Variants in C9orf153 observed in about 807,000 individuals in gnomAD.
C9orf153 encodes the protein uncharacterized protein C9orf153.
Under a neutral mutation model 9.0 loss-of-function variants are expected in C9orf153, and 10 were observed. That is an observed-to-expected ratio of 1.11 (90% CI 0.69 to 1.89). C9orf153 has a LOEUF of 1.89. Ranked by LOEUF, C9orf153 falls within the 40% of genes most tolerant of loss-of-function variation. The pLI is 0.00. For synonymous variants in C9orf153, 35 were observed against 37.3 expected (o/e 0.94, Z 0.23); for missense variants, 108 against 111.0 (o/e 0.97, Z 0.12).
chr9:86,222,618 G>A (rs761683752), intron 3 of C9orf153, among the ~76,000 whole-genome samples: 4 of 152,004 alleles, frequency 2.6e-5, no homozygotes, highest in Non-Finnish European at 4.4e-5. Flanking sequence ...ATCAAGCAAA[G>A]ACACAGCACA....
At chr9:86,251,942 C>CACACACACACACACGA (rs367793280) in intron 1 of C9orf153, among the ~76,000 whole-genome samples, 98 of 149,712 alleles carry the variant, frequency 6.5e-4, no homozygotes, top group African/African-American at 1.7e-3. Flanking sequence ...CACACACACA[C>CACACACACACACACGA]GAGAGAGAGA....
At chr9:86,250,303 G>A (rs951469344) in intron 1 of C9orf153, among the ~76,000 whole-genome samples, 1 of 152,044 alleles carries the variant, frequency 6.6e-6, no homozygotes, top group Non-Finnish European at 1.5e-5. Flanking sequence ...GTTTTCTTTG[G>A]CAAATCTGGA....
chr9:86,225,649 C>T (rs1011219230), intron 3 of C9orf153, among the ~76,000 whole-genome samples: 6 of 151,964 alleles, frequency 3.9e-5, no homozygotes, highest in South Asian at 4.2e-4. Flanking sequence ...TTAGTAGAGA[C>T]GGGGTTTCAC....
intron 1 of C9orf153, among the ~76,000 whole-genome samples, chr9:86,257,882 T>G (rs976007268): frequency 2.0e-5 from 3 of 152,106 alleles, no homozygotes; most frequent in Non-Finnish European, 4.4e-5. Context: ...TCACGATGGC[T>G]TCAGGGAATG....
At chr9:86,234,098 A>G (rs533226579) in intron 1 of C9orf153, among the ~76,000 whole-genome samples, 2 of 152,302 alleles carry the variant, frequency 1.3e-5, no homozygotes, top group African/African-American at 4.8e-5. Context: ...AAATGATAAT[A>G]ATAATGACCA....
chr9:86,241,628 G>A (rs1000943700), intron 1 of C9orf153, among the ~76,000 whole-genome samples: 5 of 150,832 alleles, frequency 3.3e-5, no homozygotes, highest in Admixed American at 1.3e-4. Context: ...CGTACATTTC[G>A]TTGTTTTTTT....
intron 1 of C9orf153, among the ~76,000 whole-genome samples, chr9:86,242,980 C>T (rs551427330): frequency 4.6e-5 from 7 of 152,280 alleles, no homozygotes; most frequent in East Asian, 1.9e-4. Context: ...CGCCCAGCCC[C>T]GCAGGCCACT....
At chr9:86,249,884 C>G (rs1490939150) in intron 1 of C9orf153, among the ~76,000 whole-genome samples, 1 of 152,174 alleles carries the variant, frequency 6.6e-6, no homozygotes, top group Admixed American at 6.5e-5. Flanking sequence ...GCTGAAAAAT[C>G]AACTGACAAA....
intron 1 of C9orf153, among the ~76,000 whole-genome samples, chr9:86,250,158 T>G (rs927705687): frequency 6.6e-6 from 1 of 152,238 alleles, no homozygotes; most frequent in African/African-American, 2.4e-5. Context: ...GACAAAAGTC[T>G]GTCCAAGTGT....
chr9:86,255,966 A>T (rs1208582797), intron 1 of C9orf153, among the ~76,000 whole-genome samples: 3 of 152,200 alleles, frequency 2.0e-5, no homozygotes, highest in African/African-American at 7.2e-5. Flanking sequence ...TCAGATGTTC[A>T]TTGTGGCACT....
Position 86,220,632 on chromosome 9 carries a change from T to C in C9orf153, c.*1056A>G, listed in dbSNP as rs1293980157. The C allele has an allele frequency of 6.6e-6, 1 of 152,208 alleles. No homozygotes were observed. The highest frequency in any genetic ancestry group is 6.5e-5 in the Admixed American group (1 of 15,274). 9.4% of individuals were successfully genotyped at this position (152,208 alleles called of 1,614,324 possible). On this transcript the variant is annotated 3_prime_UTR_variant, in exon 4 of 4. Coordinates refer to ENST00000339137, the MANE Select transcript of C9orf153 (RefSeq NM_001276366.4). ...TCTCTTTCGTAGATTATATTTTCCT[T>C]TACTGCTTAGTGGTCCATAGTTTTG... is the stretch of plus-strand genomic sequence containing the variant.
At chr9:86,225,050 C>G (rs1824292300) in intron 3 of C9orf153, among the ~76,000 whole-genome samples, 1 of 151,740 alleles carries the variant, frequency 6.6e-6, no homozygotes, top group South Asian at 2.1e-4. Flanking sequence ...TTTTTGATTC[C>G]TAAGCTATAT....
intron 3 of C9orf153, among the ~76,000 whole-genome samples, chr9:86,225,310 ACTTT>A (rs1031427454): frequency 5.9e-5 from 9 of 152,038 alleles, no homozygotes; most frequent in Admixed American, 5.2e-4. Context: ...GACTCCATGC[ACTTT>A]CTTTTTCTTT....
intron 1 of C9orf153, among the ~76,000 whole-genome samples, chr9:86,259,069 A>G (rs1825189718): frequency 6.7e-6 from 1 of 149,460 alleles, no homozygotes; most frequent in African/African-American, 2.5e-5. Flanking sequence ...TCATTCTGTC[A>G]CCCCAGCTGG....
rs113841809 is a variant in C9orf153 at position 86,229,182 on chromosome 9, T to C, written c.66+356A>G. On this transcript the variant is annotated intron_variant, in intron 2 of 3. Coordinates refer to ENST00000339137, the MANE Select transcript of C9orf153 (RefSeq NM_001276366.4). ...TTTTTTGGGGAGTTAAATAGTGTGA[T>C]GTTTGGACCGATATCATGAAATCTT... 4.0e-5 allele frequency among the ~76,000 whole-genome samples: 6 copies of C among 151,892 alleles called. 1 individual carries two copies. The highest frequency in any genetic ancestry group is 1.2e-4 in the African/African-American group (5 of 41,422).
rs1436197826 is a variant in C9orf153, at chr9:86,220,542, C to T, written c.*1146G>A. ...ATTGTAAGTATATGACACTATTGTC[C>T]TCTGACCTCTATTGTTAATGAGCAT... On this transcript the variant is annotated 3_prime_UTR_variant, in exon 4 of 4. Coordinates refer to ENST00000339137, the MANE Select transcript of C9orf153 (RefSeq NM_001276366.4). 2.0e-5 allele frequency: 3 copies of T among 152,100 alleles called. No individual in the cohort carries two copies. Among genetic ancestry groups the T allele is most frequent in the Admixed American group, 6.6e-5 (1 of 15,256 alleles). 9.4% of individuals were successfully genotyped at this position (152,100 alleles called of 1,614,324 possible). A position where few individuals can be genotyped will look rare whatever the true frequency, so the allele number is the denominator to read the frequency against.
At chr9:86,234,523 A>G (rs934546925) in intron 1 of C9orf153, among the ~76,000 whole-genome samples, 1 of 152,234 alleles carries the variant, frequency 6.6e-6, no homozygotes, top group Non-Finnish European at 1.5e-5. Flanking sequence ...TAGAAGAATG[A>G]CATTAGACCC....
At chr9:86,238,788 A>G (rs1025359030) in intron 1 of C9orf153, among the ~76,000 whole-genome samples, 41 of 152,178 alleles carry the variant, frequency 2.7e-4, no homozygotes, top group African/African-American at 9.9e-4. Flanking sequence ...GGTAGTATGT[A>G]TTTAAAGAAA....
intron 1 of C9orf153, among the ~76,000 whole-genome samples, chr9:86,231,736 A>G (rs1002971970): frequency 1.3e-5 from 2 of 150,988 alleles, no homozygotes; most frequent in African/African-American, 5.0e-5. Context: ...ACAGTGCAGC[A>G]TGCCTGCCAC....
Sources: allele counts gnomAD v4.1 joint callset (sites outside exome capture counted in the v4.1 genomes callset), GRCh38; gene constraint gnomAD v4.1.1; transcripts MANE v1.5; gene names NCBI Gene and HGNC (gene_info 2026-07-23, HGNC 2026-07-21).